The following USP24 variants were observed in gnomAD, a reference collection of about 807,000 sequenced individuals.
USP24 encodes the protein ubiquitin carboxyl-terminal hydrolase 24.
USP24 carries 97 observed loss-of-function variants against 361.6 expected under a neutral mutation model. The ratio of observed to expected loss-of-function variants is 0.27; its 90% CI spans 0.23 to 0.32. USP24 has a LOEUF of 0.32. USP24 is among the 10% of genes least tolerant of loss of function. The probability of loss-of-function intolerance (pLI) is 1.00; values close to 1 mark genes in which losing one functional copy is unlikely to be tolerated. For synonymous variants in USP24, 1,098 were observed against 1,124.6 expected (o/e 0.98, Z 0.47); for missense variants, 2,353 against 3,165.6 (o/e 0.74, Z 6.16).
chr1:55,157,624 G>C (rs1570570172), intron 10 of USP24, among the ~76,000 whole-genome samples: 1 of 152,194 alleles, frequency 6.6e-6, no homozygotes, highest in African/African-American at 2.4e-5. Context: ...CTTTAGGTCA[G>C]GAGTTTGAGA....
Position 55,137,682 on chromosome 1 carries a change from C to T in USP24, c.3034G>A (p.Val1012Met). 6.2e-7 allele frequency: 1 copy of T among 1,610,212 alleles called. No homozygotes were observed. The change falls in exon 28 of 68, where the codon GTG (valine) becomes ATG (methionine). Residue 1012 changes from valine to methionine, a missense_variant. By Grantham distance (21) the Val-to-Met change is conservative (BLOSUM62 1). Around this residue, in one of 8 missense-constraint regions of USP24, gnomAD observed 949 missense variants for 1,280.5 expected, o/e 0.74. Transcript: ENST00000294383. ...TGGAGTAGCTTTTGATCTTTATTCA[C>T]TGTCAGCTGCAAAAAGTGGTTTCTT... ...QIFTNDSLLTVNKDQKLLHQL... is the reference protein window; with the variant it reads ...QIFTNDSLLTMNKDQKLLHQL...
intron 16 of USP24, among the ~76,000 whole-genome samples, chr1:55,149,908 T>C (rs17412003): frequency 0.03 from 4,585 of 152,324 alleles, 100 homozygotes; most frequent in Non-Finnish European, 0.045. Context: ...TAACCAGTTG[T>C]GTCCATCAAC....
chr1:55,161,372 G>GAAAAA (rs962047910), intron 8 of USP24, among the ~76,000 whole-genome samples: 1 of 127,302 alleles, frequency 7.9e-6, no homozygotes, highest in East Asian at 2.2e-4. Context: ...ACTCTGTCTG[G>GAAAAA]AAAAAAAAAA....
chr1:55,178,676 A>AAAAT lies in USP24; in HGVS notation c.325-548_325-545dup, dbSNP rs71580807. 8.2e-3 allele frequency among the ~76,000 whole-genome samples: 1,038 copies of AAAAT among 127,018 alleles called. 4 individuals carry two copies. The highest frequency in any genetic ancestry group is 0.014 in the South Asian group (50 of 3,530). 83.3% of individuals were successfully genotyped at this position (127,018 alleles called of 152,430 possible). On this transcript the variant is annotated intron_variant, in intron 1 of 67. Transcript: ENST00000294383. ...GGGCAACAGAGTGAGACTCCGTCTC[A>AAAAT]AAATAAATAAATAAATAAATAAATA...
At chr1:55,210,722 A>C (rs1330110269) in intron 1 of USP24, among the ~76,000 whole-genome samples, 12 of 152,208 alleles carry the variant, frequency 7.9e-5, no homozygotes, top group African/African-American at 2.9e-4. Context: ...AACTTAAAAA[A>C]ACAAAAAAGC....
At chr1:55,094,696 TA>T (rs35026432) in intron 51 of USP24, among the ~76,000 whole-genome samples, 92 of 108,984 alleles carry the variant, frequency 8.4e-4, no homozygotes, top group African/African-American at 1.2e-3. Context: ...CTGCTAACAT[TA>T]AAAAAAAAAA....
At chr1:55,111,363 T>A (rs1046659262) in intron 38 of USP24, among the ~76,000 whole-genome samples, 25 of 152,096 alleles carry the variant, frequency 1.6e-4, no homozygotes, top group African/African-American at 6.0e-4. Flanking sequence ...TTCTGCTTCT[T>A]TCGTAAAACT....
intron 1 of USP24, 77 bp from the exon 2 acceptor site, chr1:55,178,209 A>G: frequency 1.4e-6 from 2 of 1,450,884 alleles, no homozygotes; most frequent in South Asian, 2.5e-5. Flanking sequence ...TGTAACACAG[A>G]GCAGATACTG....
intron 1 of USP24, among the ~76,000 whole-genome samples, chr1:55,209,757 T>C (rs1644805454): frequency 6.6e-6 from 1 of 152,160 alleles, no homozygotes; most frequent in African/African-American, 2.4e-5. Context: ...ATCTTATGTG[T>C]TTACTTCTTA....
rs1399596621 is a variant in USP24 at position 55,095,335 on chromosome 1, C to A, written c.6123G>T (p.Arg2041Ser). The change falls in exon 51 of 68, where the codon AGG becomes AGT. Residue 2041 changes from arginine to serine, a missense_variant. Coordinates refer to ENST00000294383, the MANE Select transcript of USP24 (RefSeq NM_015306.3). ...ATACTGGGGAGTTCTGATCAGACAC[C>A]CTTTGGTAGAAAAGCATATAGGCAT... ...YWNAYMLFYQ[R>S]VSDQNSPVLP... 1 of 1,613,348 alleles carries A rather than the reference C, an allele frequency of 6.2e-7. No homozygotes were observed. The highest frequency in any genetic ancestry group is 1.1e-5 in the South Asian group (1 of 90,934).
At chr1:55,174,863 C>T (rs1416394380) in intron 3 of USP24, among the ~76,000 whole-genome samples, 1 of 152,072 alleles carries the variant, frequency 6.6e-6, no homozygotes, top group Non-Finnish European at 1.5e-5. Flanking sequence ...CTCCTGGCCT[C>T]AAGATGTCCT....
At chr1:55,110,444 C>T (rs894569769) in intron 38 of USP24, among the ~76,000 whole-genome samples, 198 bp from the exon 39 acceptor site, 2 of 152,140 alleles carry the variant, frequency 1.3e-5, no homozygotes, top group African/African-American at 2.4e-5. Context: ...ACAGAAATAA[C>T]GGTGTAAAGA....
intron 1 of USP24, among the ~76,000 whole-genome samples, chr1:55,182,295 T>C (rs749790527): frequency 6.6e-6 from 1 of 152,160 alleles, no homozygotes; most frequent in South Asian, 2.1e-4. Flanking sequence ...CATCGTGATA[T>C]GCCCACCTTG....
At chr1:55,129,800 T>G (rs1646539715) in intron 31 of USP24, among the ~76,000 whole-genome samples, 1 of 152,222 alleles carries the variant, frequency 6.6e-6, no homozygotes, top group Non-Finnish European at 1.5e-5. Context: ...AAAGCTGGTG[T>G]GTTCTTTTCA....
intron 43 of USP24, among the ~76,000 whole-genome samples, chr1:55,101,232 A>T (rs1645626298): frequency 6.6e-6 from 1 of 152,220 alleles, no homozygotes; most frequent in Non-Finnish European, 1.5e-5. Context: ...CACATGGAAT[A>T]CTCTCAAAAC....
chr1:55,180,719 T>G (rs1643940628), intron 1 of USP24, among the ~76,000 whole-genome samples: 1 of 152,204 alleles, frequency 6.6e-6, no homozygotes. Context: ...ACAAATTCCT[T>G]CAGTTATCAT....
intron 42 of USP24, among the ~76,000 whole-genome samples, chr1:55,102,387 T>C (rs1002764474): frequency 6.6e-6 from 1 of 152,308 alleles, no homozygotes; most frequent in Middle Eastern, 3.4e-3. Flanking sequence ...AGAAAAAGCA[T>C]AGTGGATAAA....
At chr1:55,209,260 C>G (rs1381170964) in intron 1 of USP24, among the ~76,000 whole-genome samples, 1 of 151,952 alleles carries the variant, frequency 6.6e-6, no homozygotes, top group African/African-American at 2.4e-5. Flanking sequence ...CATCCAACTT[C>G]TTCTTTTTTT....
intron 59 of USP24, among the ~76,000 whole-genome samples, chr1:55,080,032 T>C (rs1250093531): frequency 6.6e-6 from 1 of 152,076 alleles, no homozygotes; most frequent in Non-Finnish European, 1.5e-5. Flanking sequence ...GAGGTAAAAA[T>C]ATAAATAGTT....
Sources: allele counts gnomAD v4.1 joint callset (sites outside exome capture counted in the v4.1 genomes callset), GRCh38; gene constraint gnomAD v4.1.1; regional missense constraint gnomAD v4.1.1; transcripts MANE v1.5; gene names NCBI Gene and HGNC (gene_info 2026-07-23, HGNC 2026-07-21).